The following PIEZO1 variants were observed in gnomAD, a reference collection of about 807,000 sequenced individuals.
PIEZO1 encodes piezo-type mechanosensitive ion channel component 1.
PIEZO1 carries 296 observed loss-of-function variants against 297.2 expected under a neutral mutation model. That is an observed-to-expected ratio of 1.00 (90% CI 0.91 to 1.10). The LOEUF (loss-of-function observed/expected upper bound fraction) is 1.10. Among genes scored for constraint, PIEZO1 ranks in the 50% least tolerant of loss-of-function variants. PIEZO1 has a pLI of 0.00. For missense variants in PIEZO1, 5,018 were observed against 3,455.5 expected (o/e 1.45, Z -11.34); for synonymous variants, 2,427 against 1,507.5 (o/e 1.61, Z -14.13).
At position 88,732,963 on chromosome 16, in the gene PIEZO1, G is replaced by A. The variant is rs975056991; in HGVS notation, c.2665-231C>T. 2.2e-5 allele frequency: 13 copies of A among 587,722 alleles called. 1 individual carries two copies. Among genetic ancestry groups the A allele is most frequent in the Admixed American group, 3.1e-5 (1 of 32,562 alleles). 36.4% of individuals were successfully genotyped at this position (587,722 alleles called of 1,614,324 possible). On this transcript the variant is annotated intron_variant, in intron 19 of 50. Transcript: ENST00000301015. ...GAAGAGAGGTCCAGGGAGAAGGAGG[G>A]ATGTGCGAGAAGGTCCCAGGCAGAG...
chr16:88,739,023 C>G, intron 5 of PIEZO1: 1 of 516,660 alleles, frequency 1.9e-6, no homozygotes, highest in East Asian at 3.4e-5. Flanking sequence ...CACGTGATGA[C>G]CTTGCCAGGT....
At chr16:88,756,663 G>T (rs1207277570) in intron 1 of PIEZO1, among the ~76,000 whole-genome samples, 1 of 152,152 alleles carries the variant, frequency 6.6e-6, no homozygotes, top group Admixed American at 6.5e-5. Context: ...AGCTACTTGG[G>T]AGGCTGAGGC....
At chr16:88,750,505 TC>T (rs1906334687) in intron 1 of PIEZO1, among the ~76,000 whole-genome samples, 1 of 152,338 alleles carries the variant, frequency 6.6e-6, no homozygotes, top group South Asian at 2.1e-4. Context: ...CTCCTGCCTG[TC>T]CCAGAAGGTC....
In PIEZO1 at chr16:88,720,685, T is replaced by C. The variant is rs760372625; in HGVS notation, c.5732A>G (p.Lys1911Arg). Residue 1911 changes from lysine (K) to arginine (R), a missense_variant, in exon 40 of 51, where the codon AAG becomes AGG. Transcript: ENST00000301015. The stretch of plus-strand genomic sequence containing the variant: ...TCTTCCTCCAGAGCGGCTTGGCCTC[T>C]TCTCTCTCCCCGTGGGGGCCTCTTT... ...EEKEAPTGRE[K>R]RPSRSGGRVR... 1 of 1,544,098 alleles carries C rather than the reference T, an allele frequency of 6.5e-7. No homozygotes were observed. The highest frequency in any genetic ancestry group is 8.7e-7 in the Non-Finnish European group (1 of 1,144,010).
chr16:88,740,742 G>C (rs1346013404), intron 5 of PIEZO1: 1 of 152,398 alleles, frequency 6.6e-6, no homozygotes, highest in Non-Finnish European at 1.5e-5. Context: ...TATCTGACGA[G>C]TGGGCACTGG....
intron 2 of PIEZO1, chr16:88,745,866 A>G (rs1567681271): frequency 6.6e-6 from 1 of 152,162 alleles, no homozygotes; most frequent in East Asian, 1.9e-4. Context: ...TTGACAGAGC[A>G]TGGACCTCCC....
At position 88,741,507 on chromosome 16, in the gene PIEZO1, T is replaced by A. The variant is rs1597464644; in HGVS notation, c.436A>T (p.Thr146Ser). The change falls in exon 5 of 51, where the codon ACC becomes TCC. Residue 146 changes from threonine (T) to serine (S), a missense_variant. Transcript: ENST00000301015. ...TCCCGTGGATGTGGGCTCTGCCGGG[T>A]GTTCCTTGCAAGGCGCCCGCAGATG... Reference protein sequence around the residue: ...LGICGRLARNTRQSPHPRELD... With the variant: ...LGICGRLARNSRQSPHPRELD... 1 of 1,534,874 alleles carries A rather than the reference T, an allele frequency of 6.5e-7. No homozygotes were observed. The highest frequency in any genetic ancestry group is 8.7e-7 in the Non-Finnish European group (1 of 1,146,462).
At position 88,725,192 on chromosome 16, in the gene PIEZO1, A is replaced by G. The variant is rs554377697; in HGVS notation, c.4163-112T>C. ...TAGGTGGAGACAGACACGGACACCC[A>G]CAGTGACGGGGGCCGTGTGGGGCCA... On this transcript the variant is annotated intron_variant, in intron 29 of 50. Coordinates refer to ENST00000301015, the MANE Select transcript of PIEZO1 (RefSeq NM_001142864.4). The G allele has an allele frequency of 9.6e-5, 76 of 794,690 alleles. No homozygotes were observed. In the South Asian group the frequency reaches 1.2e-3, roughly 13 times the overall value. The allele number at this position is 794,690 out of a possible 1,614,324, so 49.2% of individuals were successfully genotyped here.
chr16:88,717,822 GA>G, intron 44 of PIEZO1: 3 of 444,802 alleles, frequency 6.7e-6, no homozygotes, highest in Non-Finnish European at 1.3e-5. Flanking sequence ...CAGAAAAACA[GA>G]AAAAACTCTA....
rs774561483 is a variant in PIEZO1 at position 88,716,446 on chromosome 16, C to T, written c.6964G>A (p.Glu2322Lys). 7.7e-6 allele frequency: 12 copies of T among 1,549,766 alleles called. No homozygotes were observed. The highest frequency in any genetic ancestry group is 1.7e-4 in the Middle Eastern group (1 of 5,984). Residue 2322 changes from glutamate (E) to lysine (K), a missense_variant, in exon 48 of 51, where the codon GAG (glutamate) becomes AAG (lysine). Glu to Lys is a moderately conservative substitution (Grantham distance 56, BLOSUM62 1). Coordinates refer to ENST00000301015, the MANE Select transcript of PIEZO1 (RefSeq NM_001142864.4). ...GGGGCCAGGGCCAGCATGTGCTTCT[C>T]GTTGGCATACTCCACAGTGCCTCCC... ...AKGGTVEYAN[E>K]KHMLALAPNS...
intron 1 of PIEZO1, among the ~76,000 whole-genome samples, chr16:88,769,287 A>C (rs1907314944): frequency 1.3e-5 from 2 of 152,160 alleles, no homozygotes; most frequent in Non-Finnish European, 2.9e-5. Context: ...CCTGGCCTCA[A>C]GTGATCCTCC....
chr16:88,738,427 G>C lies in PIEZO1; in HGVS notation c.648C>G (p.Pro216=). Residue 216 remains proline (P), a synonymous_variant, in exon 7 of 51, where the codon CCC becomes CCG. Coordinates refer to ENST00000301015, the MANE Select transcript of PIEZO1 (RefSeq NM_001142864.4). Reference sequence around the variant, plus strand: ...GCAGGTAGACACTGGAGAGGGCCGAGGGGTGGGCGATGCCTGCGGGGCAGG... The same window carrying C: ...GCAGGTAGACACTGGAGAGGGCCGACGGGTGGGCGATGCCTGCGGGGCAGG... ...TLLALAGIAH[P]SALSSVYLLL... is the part of the protein sequence containing the mutation. 1 of 1,535,778 alleles carries C rather than the reference G, an allele frequency of 6.5e-7. No individual in the cohort carries two copies. Among genetic ancestry groups the C allele is most frequent in the Non-Finnish European group, 8.7e-7 (1 of 1,146,784 alleles).
At position 88,715,349 on chromosome 16, in the gene PIEZO1, A is replaced by ATTTGTATAAATAAAACAT; in HGVS notation, c.*238_*255dup. On this transcript the variant is annotated 3_prime_UTR_variant, in exon 51 of 51. Transcript: ENST00000301015. ...ACGGGGGACTGGCCTCTGATTGTCCATTTGTATAAATAAAACATTTTTTAA... is the reference window on the plus strand; with the variant it reads ...ACGGGGGACTGGCCTCTGATTGTCCATTTGTATAAATAAAACATTTTGTATAAATAAAACATTTTTTAA... 1 of 1,263,844 alleles carries ATTTGTATAAATAAAACAT rather than the reference A, an allele frequency of 7.9e-7. No individual in the cohort carries two copies. Among genetic ancestry groups the ATTTGTATAAATAAAACAT allele is most frequent in the Non-Finnish European group, 1.1e-6 (1 of 921,014 alleles). 78.3% of individuals were successfully genotyped at this position (1,263,844 alleles called of 1,614,324 possible).
At chr16:88,732,897 G>GT in intron 19 of PIEZO1, 165 bp from the exon 20 acceptor site, 1 of 691,934 alleles carries the variant, frequency 1.4e-6, no homozygotes, top group South Asian at 1.9e-5. Flanking sequence ...GGGACCAGGT[G>GT]TTTGAGAAAC....
chr16:88,736,792 A>C, intron 10 of PIEZO1, 53 bp from the exon 11 acceptor site: 1 of 1,122,560 alleles, frequency 8.9e-7, no homozygotes, highest in Admixed American at 2.4e-5. Context: ...AGGCCTCCCC[A>C]CCCTGACTAT....
At chr16:88,782,108 G>T (rs1339123888) in intron 1 of PIEZO1, among the ~76,000 whole-genome samples, 1 of 152,124 alleles carries the variant, frequency 6.6e-6, no homozygotes, top group Non-Finnish European at 1.5e-5. Context: ...CAAATGTCCT[G>T]CCCTTTTTTT....
At position 88,726,345 on chromosome 16, in the gene PIEZO1, G is replaced by C; in HGVS notation, c.3907C>G (p.Leu1303Val). The C allele has an allele frequency of 6.4e-7, 1 of 1,550,478 alleles. No homozygotes were observed. Among genetic ancestry groups the C allele is most frequent in the South Asian group, 1.2e-5 (1 of 84,066 alleles). Residue 1303 changes from leucine (L) to valine (V), a missense_variant, in exon 27 of 51, where the codon CTT (leucine) becomes GTT (valine). Coordinates refer to ENST00000301015, the MANE Select transcript of PIEZO1 (RefSeq NM_001142864.4). ...FFLLLQRRVFLSHYYLHVRAD... is the reference protein window; with the variant it reads ...FFLLLQRRVFVSHYYLHVRAD... ...CTGACGTGCAGGTAGTAATGGCTAAGGAAGACGCGGCGCTGCAGCAGCAGG... is the reference window on the plus strand; with the variant it reads ...CTGACGTGCAGGTAGTAATGGCTAACGAAGACGCGGCGCTGCAGCAGCAGG...
At chr16:88,756,034 G>A (rs1247993012) in intron 1 of PIEZO1, among the ~76,000 whole-genome samples, 1 of 152,224 alleles carries the variant, frequency 6.6e-6, no homozygotes, top group Non-Finnish European at 1.5e-5. Context: ...GTGTGGCCCA[G>A]CACTTGGGTC....
rs1167205759 is a variant in PIEZO1 at position 88,722,042 on chromosome 16, C to G, written c.4980G>C (p.Glu1660Asp). 1 of 1,547,482 alleles carries G rather than the reference C, an allele frequency of 6.5e-7. No individual in the cohort carries two copies. The highest frequency in any genetic ancestry group is 1.4e-5 in the African/African-American group (1 of 73,006). Residue 1660 changes from glutamate to aspartate, a missense_variant, in exon 37 of 51, where the codon GAG becomes GAC. By Grantham distance (45) the Glu-to-Asp change is conservative. Transcript: ENST00000301015. ...LDRRLRIPEL[E>D]EAELFAEGQG... ...GCCCCTCCGCAAACAGCTCTGCCTC[C>G]TCCAGCTCTGGGATGCGCAGGCGCC...
Sources: allele counts gnomAD v4.1 joint callset (sites outside exome capture counted in the v4.1 genomes callset), GRCh38; gene constraint gnomAD v4.1.1; transcripts MANE v1.5; gene names NCBI Gene and HGNC (gene_info 2026-07-23, HGNC 2026-07-21).